The following MFHAS1 variants were observed in gnomAD, a reference collection of about 807,000 sequenced individuals.
MFHAS1 encodes multifunctional ROCO family signaling regulator 1.
In MFHAS1, 50 loss-of-function variants were observed where a neutral mutation model predicts 70.4. The observed-to-expected ratio is 0.71, with a 90% CI of 0.57 to 0.90. MFHAS1 has a LOEUF of 0.90. MFHAS1 is among the 40% of genes least tolerant of loss of function. The pLI is 0.00. For synonymous variants in MFHAS1, 952 were observed against 620.0 expected (o/e 1.54, Z -7.96); for missense variants, 1,795 against 1,347.6 (o/e 1.33, Z -5.20).
intron 1 of MFHAS1, among the ~76,000 whole-genome samples, chr8:8,881,445 T>C (rs148229510): frequency 7.2e-4 from 109 of 152,298 alleles, no homozygotes; most frequent in African/African-American, 2.5e-3. Context: ...GTGTAACCTG[T>C]ACACACTTTC....
rs560829006 is a variant in MFHAS1 at position 8,841,367 on chromosome 8, C to A, written c.2999-43876G>T. 3.2e-4 allele frequency among the ~76,000 whole-genome samples: 49 copies of A among 151,854 alleles called. 1 individual carries two copies. The South Asian group carries it at 0.01, about 32-fold the overall frequency. ...GCGCACGCCTGTAATCCCAGCTACT[C>A]GGGAGGCTGAGGCAGGAGAATCGCT... is the stretch of plus-strand genomic sequence containing the variant. On this transcript the variant is annotated intron_variant, in intron 1 of 2. Coordinates refer to ENST00000276282, the MANE Select transcript of MFHAS1 (RefSeq NM_004225.3).
In MFHAS1 at chr8:8,892,679, C is replaced by A. The variant is rs1390840019; in HGVS notation, c.380G>T (p.Gly127Val). ...DVSHNRLTAL[G>V]AEVVSALREL... ...CCTCAGAGCACTCACCACCTCCGCG[C>A]CCAGGGCGGTCAGCCGGTTGTGGCT... is the stretch of plus-strand genomic sequence containing the variant. Residue 127 changes from glycine (G) to valine (V), a missense_variant, in exon 1 of 3, where the codon GGC (glycine) becomes GTC (valine). Transcript: ENST00000276282. The surrounding 1 kb of genome is among the most constrained non-coding windows in gnomAD (Gnocchi z 4.7). The A allele has an allele frequency of 6.3e-7, 1 of 1,581,992 alleles. No homozygotes were observed. The highest frequency in any genetic ancestry group is 1.8e-5 in the Admixed American group (1 of 55,440).
At chr8:8,834,417 G>C (rs1182767260) in intron 1 of MFHAS1, among the ~76,000 whole-genome samples, 1 of 152,140 alleles carries the variant, frequency 6.6e-6, no homozygotes, top group Non-Finnish European at 1.5e-5. Flanking sequence ...GACACTTCCA[G>C]TACGCAGGCT....
rs555857704 is a variant in MFHAS1, at chr8:8,798,925, G to T, written c.2999-1434C>A. Among the ~76,000 whole-genome samples the T allele has an allele frequency of 3.7e-3, 567 of 152,184 alleles. 4 individuals carry two copies. Among genetic ancestry groups the T allele is most frequent in the African/African-American group, 0.013 (547 of 41,518 alleles). ...AGCTAGGCATTTGTGGCAGGTGCCT[G>T]TAGTCCCAGCTACCCAGGAGGCTGA... On this transcript the variant is annotated intron_variant, in intron 1 of 2. Coordinates refer to ENST00000276282, the MANE Select transcript of MFHAS1 (RefSeq NM_004225.3).
chr8:8,798,086 C>T (rs1805971282), intron 1 of MFHAS1, among the ~76,000 whole-genome samples: 1 of 152,214 alleles, frequency 6.6e-6, no homozygotes, highest in South Asian at 2.1e-4. Flanking sequence ...CTAGCAAAAA[C>T]ACATAATTAA....
intron 1 of MFHAS1, among the ~76,000 whole-genome samples, chr8:8,824,708 T>A (rs1433112278): frequency 4.6e-5 from 7 of 152,194 alleles, no homozygotes; most frequent in East Asian, 1.9e-4. Context: ...CCATTTGTAG[T>A]CCAGATGGGT....
chr8:8,821,243 C>A (rs1280713844), intron 1 of MFHAS1, among the ~76,000 whole-genome samples: 1 of 152,156 alleles, frequency 6.6e-6, no homozygotes, highest in African/African-American at 2.4e-5. Context: ...TTACAGGATG[C>A]CTCTAAGGCC....
At position 8,785,135 on chromosome 8, in the gene MFHAS1, G is replaced by A. The variant is rs1279290523; in HGVS notation, c.*887C>T. 2 of 152,164 alleles carry A rather than the reference G, an allele frequency of 1.3e-5. No individual in the cohort carries two copies. The highest frequency in any genetic ancestry group is 2.9e-5 in the Non-Finnish European group (2 of 68,038). 9.4% of individuals were successfully genotyped at this position (152,164 alleles called of 1,614,324 possible). The stretch of plus-strand genomic sequence containing the variant: ...CAGAACTGACTCCTGATTATCTTAA[G>A]CCATTAAAAGACTCAAGTTTTGCAT... On this transcript the variant is annotated 3_prime_UTR_variant, in exon 3 of 3. Coordinates refer to ENST00000276282, the MANE Select transcript of MFHAS1 (RefSeq NM_004225.3).
In MFHAS1 at chr8:8,856,980, GAAAAAAAAA is replaced by G. The variant is rs59496543; in HGVS notation, c.2998+33072_2998+33080del. Among the ~76,000 whole-genome samples, 233 of 53,404 alleles carry G rather than the reference GAAAAAAAAA, an allele frequency of 4.4e-3. 1 individual carries two copies. In the East Asian group the frequency reaches 0.053, roughly 12 times the overall value. The allele number at this position is 53,404 out of a possible 152,430, so 35.0% of individuals were successfully genotyped here. On this transcript the variant is annotated intron_variant, in intron 1 of 2. Coordinates refer to ENST00000276282, the MANE Select transcript of MFHAS1 (RefSeq NM_004225.3). Reference sequence around the variant, plus strand: ...CCTGACACTTTCACATCAGGAAAGTGAAAAAAAAAAAAAAAAAAAAAAAAAAAAGAGGAG... The same window carrying G: ...CCTGACACTTTCACATCAGGAAAGTGAAAAAAAAAAAAAAAAAAAGAGGAG...
chr8:8,828,739 T>G (rs1439720162), intron 1 of MFHAS1, among the ~76,000 whole-genome samples: 1 of 152,230 alleles, frequency 6.6e-6, no homozygotes, highest in Non-Finnish European at 1.5e-5. Context: ...CCTTTATCTG[T>G]GCAGTCCTCA....
intron 1 of MFHAS1, among the ~76,000 whole-genome samples, chr8:8,846,634 C>A (rs1293329966): frequency 3.3e-5 from 5 of 152,020 alleles, no homozygotes; most frequent in Non-Finnish European, 5.9e-5. Context: ...CCCCTGCTTG[C>A]AGCCTTCCTG....
At position 8,886,513 on chromosome 8, in the gene MFHAS1, C is replaced by T. The variant is rs1339318518; in HGVS notation, c.2998+3548G>A. ...CCAAAATAAGAAAAGAGAAATTTAC[C>T]ATTATACTTCCCGTGGTCAACTACA... On this transcript the variant is annotated intron_variant, in intron 1 of 2. Transcript: ENST00000276282. Among the ~76,000 whole-genome samples the T allele has an allele frequency of 3.3e-5, 5 of 152,164 alleles. No individual in the cohort carries two copies. In the East Asian group the frequency reaches 9.6e-4, roughly 29 times the overall value.
chr8:8,792,000 G>A (rs1193857882), intron 2 of MFHAS1, among the ~76,000 whole-genome samples: 1 of 152,192 alleles, frequency 6.6e-6, no homozygotes, highest in African/African-American at 2.4e-5. Context: ...CCAGCACTCT[G>A]GGAGGCCGAG....
In MFHAS1 at chr8:8,808,215, C is replaced by T. The variant is rs562744469; in HGVS notation, c.2999-10724G>A. Among the ~76,000 whole-genome samples, 4 of 151,212 alleles carry T rather than the reference C, an allele frequency of 2.6e-5. No homozygotes were observed. In the East Asian group the frequency reaches 7.8e-4, roughly 30 times the overall value. ...CTGCCCAGTGCCCCCACACTGTAGA[C>T]GCTCCCCTGGGAACCCTCCTCTGCC... On this transcript the variant is annotated intron_variant, in intron 1 of 2. Transcript: ENST00000276282.
intron 1 of MFHAS1, among the ~76,000 whole-genome samples, chr8:8,840,146 T>C (rs983505119): frequency 6.6e-5 from 10 of 152,208 alleles, no homozygotes; most frequent in African/African-American, 2.2e-4. Flanking sequence ...TTAGGAAGAC[T>C]CCAGGGACGC....
intron 1 of MFHAS1, among the ~76,000 whole-genome samples, chr8:8,878,344 A>T (rs1585068054): frequency 6.6e-6 from 1 of 152,108 alleles, no homozygotes; most frequent in African/African-American, 2.4e-5. Flanking sequence ...CTAAATGTCA[A>T]TTTCTCCTTC....
intron 1 of MFHAS1, among the ~76,000 whole-genome samples, chr8:8,808,497 C>G (rs952736739): frequency 2.0e-5 from 3 of 152,096 alleles, no homozygotes; most frequent in African/African-American, 7.2e-5. Flanking sequence ...TTGGATCTGC[C>G]AAAGAGAAGC....
intron 1 of MFHAS1, among the ~76,000 whole-genome samples, chr8:8,828,041 C>T (rs1297231529): frequency 2.0e-5 from 3 of 152,038 alleles, no homozygotes; most frequent in East Asian, 1.9e-4. Context: ...TTACTTCCCC[C>T]GGTGATTAGG....
intron 2 of MFHAS1, among the ~76,000 whole-genome samples, chr8:8,792,391 G>A (rs1473660669): frequency 1.3e-5 from 2 of 152,124 alleles, no homozygotes; most frequent in African/African-American, 4.8e-5. Flanking sequence ...ATCTGAGGTC[G>A]GGAGTTCAAG....
Sources: gnomAD v4.1 joint callset for allele counts (sites outside exome capture counted in the v4.1 genomes callset) on GRCh38, gnomAD v4.1.1 for gene constraint, Gnocchi (gnomAD v3.1) non-coding constraint, MANE v1.5 for transcripts, NCBI Gene and HGNC (gene_info 2026-07-23, HGNC 2026-07-21) for gene names.